Variants in STON2 observed in about 807,000 individuals in gnomAD.
The protein encoded by STON2 is stonin 2, also known as stonin-2.
A neutral mutation model predicts 65.7 loss-of-function variants in STON2; 29 were observed. The observed-to-expected ratio is 0.44, with a 90% CI of 0.33 to 0.60. The LOEUF is 0.60. Ranked by LOEUF, STON2 falls within the 20% of genes least tolerant of loss-of-function variation. The pLI is 0.03. For synonymous variants in STON2, 404 were observed against 414.2 expected (o/e 0.98, Z 0.30); for missense variants, 1,054 against 1,118.1 (o/e 0.94, Z 0.82).
intron 2 of STON2, among the ~76,000 whole-genome samples, chr14:81,417,426 T>C (rs1901491249): frequency 6.6e-6 from 1 of 152,164 alleles, no homozygotes; most frequent in Non-Finnish European, 1.5e-5. Context: ...GCCACAGGAA[T>C]CCTTGGTCTT....
intron 5 of STON2, among the ~76,000 whole-genome samples, chr14:81,316,514 T>G (rs569991899): frequency 1.3e-5 from 2 of 152,194 alleles, no homozygotes; most frequent in African/African-American, 2.4e-5. Flanking sequence ...TAATGCTTGT[T>G]TTGGGAAACA....
intron 5 of STON2, among the ~76,000 whole-genome samples, chr14:81,284,562 T>C (rs990551914): frequency 6.6e-6 from 1 of 152,200 alleles, no homozygotes; most frequent in Non-Finnish European, 1.5e-5. Flanking sequence ...AAAGAAGCCA[T>C]TTCCATAGCA....
intron 4 of STON2, among the ~76,000 whole-genome samples, chr14:81,344,247 G>A (rs1002787166): frequency 2.6e-5 from 4 of 151,868 alleles, no homozygotes; most frequent in Non-Finnish European, 5.9e-5. Flanking sequence ...TTAGATTAAC[G>A]TATACTTATT....
chr14:81,267,244 G>T lies in STON2; in HGVS notation c.*1170C>A. On this transcript the variant is annotated 3_prime_UTR_variant, in exon 8 of 8. Coordinates refer to ENST00000614646, the MANE Select transcript of STON2 (RefSeq NM_001394390.1). ...TGAAGAAAAAGAAGATGGAGTGAGC[G>T]TTCTGACTCTTGGAATCAGAATATA... The T allele has an allele frequency of 2.0e-6, 2 of 985,314 alleles. No homozygotes were observed. The highest frequency in any genetic ancestry group is 2.4e-6 in the Non-Finnish European group (2 of 829,882). The allele number at this position is 985,314 out of a possible 1,614,324, so 61.0% of individuals were successfully genotyped here.
chr14:81,412,988 G>A lies in STON2; in HGVS notation c.-199+14114C>T, dbSNP rs918441360. On this transcript the variant is annotated intron_variant, in intron 2 of 8. Coordinates refer to the STON2 transcript ENST00000553821. ...GGTAACCATGTGCGACCAAAAGGCC[G>A]TGATCAAAAATGCGGACATGTCGGA... 18 of 1,074,088 alleles carry A rather than the reference G, an allele frequency of 1.7e-5. 2 individuals are homozygous for A. Among genetic ancestry groups the A allele is most frequent in the Non-Finnish European group, 2.1e-5 (15 of 725,984 alleles). The allele number at this position is 1,074,088 out of a possible 1,614,324, so 66.5% of individuals were successfully genotyped here.
intron 4 of STON2, among the ~76,000 whole-genome samples, chr14:81,324,736 T>C (rs1409485228): frequency 6.6e-6 from 1 of 152,212 alleles, no homozygotes; most frequent in Non-Finnish European, 1.5e-5. Context: ...GAAATCAAGA[T>C]TTTAGAAATG....
rs1422401508 is a variant in STON2, at chr14:81,356,322, G to A, written c.571+14666C>T. Among the ~76,000 whole-genome samples, 23 of 152,238 alleles carry A rather than the reference G, an allele frequency of 1.5e-4. No homozygotes were observed. The East Asian group carries it at 2.5e-3, about 17-fold the overall frequency. On this transcript the variant is annotated intron_variant, in intron 4 of 7. Transcript: ENST00000614646. ...TGCTGGATTACATTTATTGATTTGC[G>A]TATATTGAACTAGCCTTGCATCCCA...
chr14:81,306,225 T>A lies in STON2; in HGVS notation c.742+17792A>T, dbSNP rs1401138874. Among the ~76,000 whole-genome samples the A allele has an allele frequency of 2.6e-3, 261 of 100,710 alleles. 15 individuals are homozygous for A. The highest frequency in any genetic ancestry group is 9.1e-3 in the African/African-American group (239 of 26,276). 66.1% of individuals were successfully genotyped at this position (100,710 alleles called of 152,430 possible). A position where few individuals can be genotyped will look rare whatever the true frequency, so the allele number is the denominator to read the frequency against. On this transcript the variant is annotated intron_variant, in intron 5 of 7. Coordinates refer to ENST00000614646, the MANE Select transcript of STON2 (RefSeq NM_001394390.1). ...TATACACACACATACATACTCTTTT[T>A]TTTTTTTTTTTTTTTTTTTTTTGAG... is the stretch of plus-strand genomic sequence containing the variant.
chr14:81,419,361 T>C (rs935128256), intron 2 of STON2, among the ~76,000 whole-genome samples: 1 of 152,132 alleles, frequency 6.6e-6, no homozygotes, highest in Non-Finnish European at 1.5e-5. Context: ...CCAGAATATA[T>C]CACAGATATT....
intron 2 of STON2, among the ~76,000 whole-genome samples, chr14:81,407,183 C>G (rs1900910883): frequency 6.6e-6 from 1 of 152,144 alleles, no homozygotes; most frequent in South Asian, 2.1e-4. Flanking sequence ...GGGCTAGTTA[C>G]CAAGTATAAC....
At position 81,277,322 on chromosome 14, in the gene STON2, C is replaced by A; in HGVS notation, c.2160G>T (p.Leu720=). Residue 720 remains leucine (L), a synonymous_variant, in exon 6 of 8, where the codon CTG becomes CTT. Transcript: ENST00000614646. The part of the protein sequence containing the change: ...EDVFHNSRVI[L]FNPLDACRFE... Reference sequence around the variant, plus strand: ...ACCGGCACGCATCCAAAGGGTTGAACAGAATGACCCGTGAGTTGTGGAAAA... The same window carrying A: ...ACCGGCACGCATCCAAAGGGTTGAAAAGAATGACCCGTGAGTTGTGGAAAA... The A allele has an allele frequency of 6.2e-7, 1 of 1,614,202 alleles. No homozygotes were observed. Among genetic ancestry groups the A allele is most frequent in the Non-Finnish European group, 8.5e-7 (1 of 1,180,038 alleles).
intron 4 of STON2, among the ~76,000 whole-genome samples, chr14:81,350,624 G>A (rs1020509949): frequency 3.9e-5 from 6 of 152,056 alleles, no homozygotes; most frequent in Non-Finnish European, 5.9e-5. Context: ...ATACTTCTAG[G>A]CCTTGGCTTT....
chr14:81,312,560 A>G (rs934196862), intron 5 of STON2, among the ~76,000 whole-genome samples: 29 of 152,226 alleles, frequency 1.9e-4, no homozygotes, highest in African/African-American at 7.0e-4. Context: ...AATTCAATCA[A>G]CTTCCCCCTA....
At position 81,398,504 on chromosome 14, in the gene STON2, G is replaced by A; in HGVS notation, c.-122C>T. On this transcript the variant is annotated 5_prime_UTR_variant, in exon 2 of 8. Coordinates refer to ENST00000614646, the MANE Select transcript of STON2 (RefSeq NM_001394390.1). ...GACTTGGGTCCAGGGTCTGTTCTAG[G>A]TGTCTTGCCAAGGGCAGTACTCAGA... The A allele has an allele frequency of 1.5e-6, 1 of 678,262 alleles. No homozygotes were observed. The highest frequency in any genetic ancestry group is 2.6e-6 in the Non-Finnish European group (1 of 390,202). The allele number at this position is 678,262 out of a possible 1,614,324, so 42.0% of individuals were successfully genotyped here.
rs34221546 is a variant in STON2, at chr14:81,299,884, AT to A, written c.743-21146del. Among the ~76,000 whole-genome samples, 741 of 149,222 alleles carry A rather than the reference AT, an allele frequency of 5.0e-3. 4 individuals carry two copies. Among genetic ancestry groups the A allele is most frequent in the South Asian group, 0.019 (88 of 4,704 alleles). ...TCAAAATTGTTAAGATGGAAAAAAA[AT>A]TTTTTTTTTTTTTAAATTGATCTAT... On this transcript the variant is annotated intron_variant, in intron 5 of 7. Coordinates refer to ENST00000614646, the MANE Select transcript of STON2 (RefSeq NM_001394390.1).
At position 81,262,202 on chromosome 14, in the gene STON2, T is replaced by C. The variant is rs1177954281; in HGVS notation, c.*6212A>G. Reference sequence around the variant, plus strand: ...TGGGAAAACAGCAACTTACTTAACATAGTGATTGTCTCCATGGCTATGTCC... The same window carrying C: ...TGGGAAAACAGCAACTTACTTAACACAGTGATTGTCTCCATGGCTATGTCC... On this transcript the variant is annotated 3_prime_UTR_variant, in exon 8 of 8. Transcript: ENST00000614646. 5 of 985,324 alleles carry C rather than the reference T, an allele frequency of 5.1e-6. No individual in the cohort carries two copies. Among genetic ancestry groups the C allele is most frequent in the Admixed American group, 6.1e-5 (1 of 16,272 alleles). The allele number at this position is 985,324 out of a possible 1,614,324, so 61.0% of individuals were successfully genotyped here.
At chr14:81,316,239 C>A (rs1223556038) in intron 5 of STON2, among the ~76,000 whole-genome samples, 1 of 152,166 alleles carries the variant, frequency 6.6e-6, no homozygotes, top group Non-Finnish European at 1.5e-5. Context: ...GTAAAAGCAG[C>A]ACAGTCACAA....
At chr14:81,345,939 G>T (rs1595377168) in intron 4 of STON2, among the ~76,000 whole-genome samples, 1 of 152,148 alleles carries the variant, frequency 6.6e-6, no homozygotes, top group Non-Finnish European at 1.5e-5. Flanking sequence ...CTGACATCTT[G>T]TTGACAGCCC....
chr14:81,291,259 G>A (rs1203582542), intron 5 of STON2, among the ~76,000 whole-genome samples: 4 of 152,134 alleles, frequency 2.6e-5, no homozygotes, highest in Non-Finnish European at 5.9e-5. Context: ...CAGGTATGAA[G>A]TACAATTATG....
Sources: gnomAD v4.1 joint callset for allele counts (sites outside exome capture counted in the v4.1 genomes callset) on GRCh38, gnomAD v4.1.1 for gene constraint, MANE v1.5 for transcripts, NCBI Gene and HGNC (gene_info 2026-07-23, HGNC 2026-07-21) for gene names.